The following MID1 variants were observed in gnomAD, a reference collection of about 807,000 sequenced individuals.
The protein encoded by MID1 is E3 ubiquitin-protein ligase Midline-1.
MID1 carries 7 observed loss-of-function variants against 40.4 expected under a neutral mutation model. The observed-to-expected ratio is 0.17, with a 90% CI of 0.10 to 0.33. The LOEUF (loss-of-function observed/expected upper bound fraction) is 0.33, where lower values mean the gene tolerates loss of function less well. Among genes scored for constraint, MID1 ranks in the 10% least tolerant of loss-of-function variants. The pLI is 1.00. For synonymous variants in MID1, 229 were observed against 221.2 expected (o/e 1.04, Z -0.31); for missense variants, 367 against 558.5 (o/e 0.66, Z 3.46).
intron 1 of MID1, among the ~76,000 whole-genome samples, chrX:10,806,010 C>A (rs1247130258): frequency 9.4e-6 from 1 of 106,676 alleles, no homozygotes; most frequent in Non-Finnish European, 1.9e-5. Flanking sequence ...AATTTTCTCC[C>A]ATTTTGTAGG....
chrX:10,510,751 G>A (rs1245591644), intron 3 of MID1, among the ~76,000 whole-genome samples: 1 of 97,491 alleles, frequency 1.0e-5, no homozygotes, highest in Admixed American at 1.2e-4. Flanking sequence ...AGAATTGCTT[G>A]AACCCAGGAG....
intron 3 of MID1, among the ~76,000 whole-genome samples, chrX:10,518,105 A>T (rs1240756194): frequency 8.9e-6 from 1 of 112,111 alleles, no homozygotes; most frequent in Non-Finnish European, 1.9e-5. Context: ...CCCTCCCAGA[A>T]ATATTTGTTT....
intron 1 of MID1, among the ~76,000 whole-genome samples, chrX:10,701,768 G>A (rs1478221471): frequency 8.9e-6 from 1 of 111,951 alleles, no homozygotes; most frequent in African/African-American, 3.3e-5. Flanking sequence ...TGTCTCCTAA[G>A]CCAGATTGAG....
chrX:10,475,410 C>T (rs987759030), intron 5 of MID1, among the ~76,000 whole-genome samples: 2 of 111,954 alleles, frequency 1.8e-5, no homozygotes, highest in Non-Finnish European at 3.8e-5. Flanking sequence ...AGTGGATGCA[C>T]TATTTCTCTT....
chrX:10,629,363 A>ATT (rs371326256), intron 1 of MID1, among the ~76,000 whole-genome samples: 1 of 105,056 alleles, frequency 9.5e-6, no homozygotes. Context: ...ATGCCTGGCT[A>ATT]TTTTTTTTTT....
chrX:10,609,500 T>C (rs891806269), intron 1 of MID1, among the ~76,000 whole-genome samples: 1 of 110,952 alleles, frequency 9.0e-6, no homozygotes, highest in African/African-American at 3.3e-5. Context: ...ATTTCAATTT[T>C]ACAGGTGAGG....
At chrX:10,578,475 C>CA (rs201839154) in intron 1 of MID1, among the ~76,000 whole-genome samples, 154 of 111,847 alleles carry the variant, frequency 1.4e-3, no homozygotes, top group African/African-American at 4.8e-3. Context: ...TGATAAACAA[C>CA]AAAAAAAATT....
At chrX:10,543,845 T>C (rs767334111) in intron 2 of MID1, among the ~76,000 whole-genome samples, 1 of 102,219 alleles carries the variant, frequency 9.8e-6, no homozygotes, top group Non-Finnish European at 2.0e-5. Flanking sequence ...TCTGTTTTTT[T>C]AAAAAAAAAA....
At chrX:10,745,293 C>T (rs2043550380) in intron 1 of MID1, among the ~76,000 whole-genome samples, 1 of 112,081 alleles carries the variant, frequency 8.9e-6, no homozygotes, top group Non-Finnish European at 1.9e-5. Context: ...CTCTCTCATG[C>T]TTGGATGAAA....
At chrX:10,454,270 C>A (rs1928521202) in intron 9 of MID1, among the ~76,000 whole-genome samples, 2 of 111,667 alleles carry the variant, frequency 1.8e-5, no homozygotes, top group Admixed American at 9.5e-5. Flanking sequence ...GCTATTTGCA[C>A]TAATTGGTCC....
intron 7 of MID1, among the ~76,000 whole-genome samples, chrX:10,463,185 TAAA>T (rs1176154646): frequency 9.0e-6 from 1 of 110,803 alleles, no homozygotes; most frequent in African/African-American, 3.4e-5. Flanking sequence ...TTAACAAAAA[TAAA>T]AAATAAAAAT....
At chrX:10,613,772 GAC>G (rs1259640563) in intron 1 of MID1, among the ~76,000 whole-genome samples, 122 of 87,343 alleles carry the variant, frequency 1.4e-3, no homozygotes, top group African/African-American at 5.3e-3. Flanking sequence ...GAGAGAGACA[GAC>G]AGACAGACAG....
intron 1 of MID1, among the ~76,000 whole-genome samples, chrX:10,738,141 T>A (rs1228512597): frequency 8.9e-6 from 1 of 111,957 alleles, no homozygotes; most frequent in East Asian, 2.8e-4. Context: ...CCTAATCACC[T>A]GGCTGCCTTT....
chrX:10,793,809 C>T (rs776319541), intron 1 of MID1, among the ~76,000 whole-genome samples: 15 of 112,239 alleles, frequency 1.3e-4, no homozygotes, highest in Non-Finnish European at 2.8e-4. Context: ...ACTTGTCATT[C>T]AGGTCACCTC....
chrX:10,713,497 A>T (rs1176088088), intron 1 of MID1, among the ~76,000 whole-genome samples: 1 of 110,328 alleles, frequency 9.1e-6, no homozygotes, highest in African/African-American at 3.3e-5. Flanking sequence ...CTAATTTTTT[A>T]AAAACATTTT....
chrX:10,488,358 G>A (rs1199215596), intron 4 of MID1, among the ~76,000 whole-genome samples: 1 of 111,491 alleles, frequency 9.0e-6, no homozygotes, highest in Non-Finnish European at 1.9e-5. Context: ...CATATGGTAA[G>A]TGTATGCTTA....
At chrX:10,806,580 G>A (rs1267138304) in intron 1 of MID1, among the ~76,000 whole-genome samples, 1 of 112,008 alleles carries the variant, frequency 8.9e-6, no homozygotes, top group African/African-American at 3.2e-5. Flanking sequence ...AAAACCAGAT[G>A]TTTCTGATGT....
chrX:10,507,875 G>A (rs961756580), intron 3 of MID1, among the ~76,000 whole-genome samples: 1 of 112,438 alleles, frequency 8.9e-6, no homozygotes, highest in Non-Finnish European at 1.9e-5. Flanking sequence ...AACCTTCTAT[G>A]CAGTCCTTGC....
intron 1 of MID1, among the ~76,000 whole-genome samples, chrX:10,593,803 A>C (rs1337330890): frequency 6.7e-5 from 7 of 103,926 alleles, no homozygotes; most frequent in Non-Finnish European, 1.4e-4. Flanking sequence ...ACACACACAC[A>C]CCACTTTTTC....
Sources: allele counts gnomAD v4.1 joint callset (sites outside exome capture counted in the v4.1 genomes callset), GRCh38; gene constraint gnomAD v4.1.1; transcripts MANE v1.5; gene names NCBI Gene and HGNC (gene_info 2026-07-23, HGNC 2026-07-21).